Variants in RBFOX1 observed in about 807,000 individuals in gnomAD.
RBFOX1 encodes the protein RNA binding fox-1 homolog 1.
Under a neutral mutation model 57.7 loss-of-function variants are expected in RBFOX1, and 8 were observed. The observed-to-expected ratio is 0.14, with a 90% CI of 0.08 to 0.25. The LOEUF is 0.25. RBFOX1 is among the 10% of genes least tolerant of loss of function. RBFOX1 has a pLI of 1.00. For synonymous variants in RBFOX1, 326 were observed against 222.4 expected (o/e 1.47, Z -4.15); for missense variants, 611 against 548.5 (o/e 1.11, Z -1.14).
intron 1 of RBFOX1, among the ~76,000 whole-genome samples, chr16:5,365,055 A>T (rs894111981): frequency 3.9e-5 from 6 of 152,114 alleles, no homozygotes; most frequent in African/African-American, 1.2e-4. Flanking sequence ...GTGATTCCTC[A>T]GGGAGGGAGT....
intron 1 of RBFOX1, among the ~76,000 whole-genome samples, chr16:6,203,332 T>A (rs1009183931): frequency 1.3e-5 from 2 of 152,184 alleles, no homozygotes; most frequent in Non-Finnish European, 2.9e-5. Context: ...CTCCTAATAA[T>A]GGGATCATGT....
chr16:6,399,565 C>G (rs2092984148), intron 2 of RBFOX1, among the ~76,000 whole-genome samples: 1 of 152,198 alleles, frequency 6.6e-6, no homozygotes, highest in African/African-American at 2.4e-5. Flanking sequence ...CAACAAGTCT[C>G]TAGGAAGTTC....
intron 1 of RBFOX1, among the ~76,000 whole-genome samples, chr16:6,062,274 G>A (rs1260453312): frequency 2.1e-5 from 3 of 145,324 alleles, no homozygotes; most frequent in African/African-American, 8.3e-5. Flanking sequence ...GGCCATTGGT[G>A]ATCAACTCCA....
At chr16:7,128,355 T>C (rs1174271217) in intron 4 of RBFOX1, among the ~76,000 whole-genome samples, 6 of 145,148 alleles carry the variant, frequency 4.1e-5, no homozygotes, top group African/African-American at 1.5e-4. Flanking sequence ...TTCTGTCACT[T>C]AGCTATTGCT....
chr16:6,961,783 G>C (rs1382720930), intron 3 of RBFOX1, among the ~76,000 whole-genome samples: 3 of 152,138 alleles, frequency 2.0e-5, no homozygotes, highest in Non-Finnish European at 1.5e-5. Flanking sequence ...TAGTGAGAGT[G>C]TCCTTTAGCA....
intron 4 of RBFOX1, among the ~76,000 whole-genome samples, chr16:7,181,494 C>T (rs865925930): frequency 3.3e-5 from 5 of 151,596 alleles, no homozygotes; most frequent in African/African-American, 1.2e-4. Flanking sequence ...TAACTAAATT[C>T]CTTCCTTCCT....
intron 11 of RBFOX1, among the ~76,000 whole-genome samples, chr16:7,651,973 T>A (rs1223152452): frequency 6.6e-6 from 1 of 151,996 alleles, no homozygotes; most frequent in African/African-American, 2.4e-5. Flanking sequence ...AAAAGTGGTT[T>A]GCTGACTCTG....
chr16:6,115,543 G>T (rs1267301048), intron 1 of RBFOX1, among the ~76,000 whole-genome samples: 1 of 151,984 alleles, frequency 6.6e-6, no homozygotes, highest in African/African-American at 2.4e-5. Context: ...CATAACGTCT[G>T]TTTTTTTTCC....
chr16:5,441,205 T>G (rs2068073646), intron 1 of RBFOX1, among the ~76,000 whole-genome samples: 1 of 152,158 alleles, frequency 6.6e-6, no homozygotes, highest in Non-Finnish European at 1.5e-5. Context: ...TTCAGGTTAT[T>G]GTAGATAGAG....
chr16:5,563,938 G>A (rs1187752059), intron 2 of RBFOX1, among the ~76,000 whole-genome samples: 2 of 152,128 alleles, frequency 1.3e-5, no homozygotes, highest in Non-Finnish European at 2.9e-5. Context: ...ATGAGACTAT[G>A]ACCTAGATGT....
chr16:6,350,489 A>C (rs111356572), intron 2 of RBFOX1, among the ~76,000 whole-genome samples: 26,999 of 117,458 alleles, frequency 0.23, 3,694 homozygotes, highest in Middle Eastern at 0.35. Flanking sequence ...AAAAAAAAAA[A>C]AAAAAAAAAA....
intron 4 of RBFOX1, among the ~76,000 whole-genome samples, chr16:7,180,973 G>A (rs1031720650): frequency 3.3e-5 from 5 of 152,226 alleles, no homozygotes; most frequent in African/African-American, 7.2e-5. Context: ...TGCAGTTGTA[G>A]AGAAAAAGCA....
intron 1 of RBFOX1, among the ~76,000 whole-genome samples, chr16:6,176,237 C>T (rs1431632406): frequency 1.3e-5 from 2 of 151,862 alleles, no homozygotes; most frequent in African/African-American, 2.4e-5. Flanking sequence ...CCTCGGCCTC[C>T]CCAGTTCAAG....
chr16:7,544,654 A>G (rs2083905155), intron 5 of RBFOX1, among the ~76,000 whole-genome samples: 2 of 152,284 alleles, frequency 1.3e-5, no homozygotes, highest in South Asian at 4.2e-4. Flanking sequence ...TGGTTTAGGC[A>G]ACACCTTGAT....
In RBFOX1 at chr16:6,019,914, G is replaced by C; in HGVS notation, c.-205G>C. The C allele has an allele frequency of 6.5e-7, 1 of 1,534,922 alleles. No individual in the cohort carries two copies. The highest frequency in any genetic ancestry group is 8.7e-7 in the Non-Finnish European group (1 of 1,146,462). On this transcript the variant is annotated 5_prime_UTR_variant, in exon 1 of 16. Transcript: ENST00000550418. The surrounding 1 kb of genome is among the most constrained non-coding windows in gnomAD (Gnocchi z 4.2). Reference sequence around the variant, plus strand: ...CCTCCAGCTTATGGTGAGTGTGGCTGGGGGTGCAGAGAGCGCACGGGAATT... The same window carrying C: ...CCTCCAGCTTATGGTGAGTGTGGCTCGGGGTGCAGAGAGCGCACGGGAATT...
chr16:6,705,979 C>G (rs1021516796), intron 3 of RBFOX1, among the ~76,000 whole-genome samples: 1 of 152,112 alleles, frequency 6.6e-6, no homozygotes, highest in Non-Finnish European at 1.5e-5. Flanking sequence ...GATGGTGCCA[C>G]TGAACTCCAG....
chr16:6,918,053 G>A (rs1187307416), intron 3 of RBFOX1, among the ~76,000 whole-genome samples: 10 of 152,230 alleles, frequency 6.6e-5, no homozygotes, highest in South Asian at 4.2e-4. Flanking sequence ...TTGGGAGGTC[G>A]AGGCGGGTGG....
At chr16:6,370,278 A>G (rs1464827509) in intron 2 of RBFOX1, among the ~76,000 whole-genome samples, 1 of 140,882 alleles carries the variant, frequency 7.1e-6, no homozygotes, top group Non-Finnish European at 1.5e-5. Flanking sequence ...GAATAGTGTG[A>G]ACTCAGGAGG....
chr16:7,673,250 C>G (rs2072166950), intron 13 of RBFOX1, among the ~76,000 whole-genome samples: 1 of 152,168 alleles, frequency 6.6e-6, no homozygotes, highest in Admixed American at 6.5e-5. Context: ...GCCTCAAATT[C>G]TCTGAGATGC....
Sources: gnomAD v4.1 joint callset for allele counts (sites outside exome capture counted in the v4.1 genomes callset) on GRCh38, gnomAD v4.1.1 for gene constraint, Gnocchi (gnomAD v3.1) non-coding constraint, MANE v1.5 for transcripts, NCBI Gene and HGNC (gene_info 2026-07-23, HGNC 2026-07-21) for gene names.